Variants in PCOLCE2 observed in about 807,000 individuals in gnomAD.
The protein encoded by PCOLCE2 is procollagen C-endopeptidase enhancer 2.
In PCOLCE2, 42 loss-of-function variants were observed where a neutral mutation model predicts 47.0. That is an observed-to-expected ratio of 0.89 (90% CI 0.70 to 1.16). PCOLCE2 has a LOEUF of 1.16. PCOLCE2 is among the 50% of genes most tolerant of loss of function. The pLI, the probability that PCOLCE2 is intolerant of heterozygous loss-of-function variation, is 0.00. For missense variants in PCOLCE2, 500 were observed against 526.1 expected (o/e 0.95, Z 0.49); for synonymous variants, 169 against 191.7 (o/e 0.88, Z 0.98).
intron 5 of PCOLCE2, among the ~76,000 whole-genome samples, chr3:142,833,331 T>C (rs577159573): frequency 1.7e-4 from 26 of 152,054 alleles, no homozygotes; most frequent in Non-Finnish European, 2.9e-4. Flanking sequence ...GGGGATTACA[T>C]GCACTACCAG....
At chr3:142,861,052 T>G (rs1393103948) in intron 2 of PCOLCE2, among the ~76,000 whole-genome samples, 3 of 152,256 alleles carry the variant, frequency 2.0e-5, no homozygotes, top group Admixed American at 1.3e-4. Flanking sequence ...AAGTTTCAGA[T>G]AGTACACCTC....
At chr3:142,838,136 T>C (rs1937225263) in intron 5 of PCOLCE2, among the ~76,000 whole-genome samples, 3 of 152,156 alleles carry the variant, frequency 2.0e-5, no homozygotes, top group Non-Finnish European at 4.4e-5. Context: ...CGGCTCTGCA[T>C]CTGACCCTGG....
intron 1 of PCOLCE2, among the ~76,000 whole-genome samples, chr3:142,888,393 G>A (rs1218371026): frequency 1.3e-5 from 2 of 152,190 alleles, no homozygotes; most frequent in Non-Finnish European, 2.9e-5. Context: ...TAGGCGCCGC[G>A]CCGCTAGGGT....
intron 2 of PCOLCE2, among the ~76,000 whole-genome samples, chr3:142,874,505 C>A (rs2108209409): frequency 6.6e-6 from 1 of 152,290 alleles, no homozygotes; most frequent in South Asian, 2.1e-4. Flanking sequence ...AACCGTGAGT[C>A]AATTAAAACT....
intron 2 of PCOLCE2, among the ~76,000 whole-genome samples, chr3:142,865,289 T>C (rs1279190203): frequency 2.6e-5 from 4 of 152,178 alleles, no homozygotes; most frequent in Admixed American, 6.5e-5. Flanking sequence ...ACATCTTCTC[T>C]AGTGAAATGT....
At chr3:142,887,914 A>G in intron 1 of PCOLCE2, 137 bp from the exon 2 acceptor site, 1 of 573,360 alleles carries the variant, frequency 1.7e-6, no homozygotes, top group Non-Finnish European at 3.1e-6. Context: ...CATATAAGGG[A>G]TCTGAAAATT....
chr3:142,828,584 G>A (rs1937111508), intron 6 of PCOLCE2, among the ~76,000 whole-genome samples: 1 of 152,158 alleles, frequency 6.6e-6, no homozygotes. Context: ...CCGATGCTGT[G>A]GACGTGCTTG....
intron 2 of PCOLCE2, among the ~76,000 whole-genome samples, chr3:142,861,612 G>A (rs541030611): frequency 3.4e-4 from 52 of 152,186 alleles, no homozygotes; most frequent in Non-Finnish European, 2.4e-4. Flanking sequence ...ATCTCCCTGA[G>A]GACGATAATG....
intron 2 of PCOLCE2, chr3:142,887,351 A>G: frequency 4.7e-6 from 1 of 210,642 alleles, no homozygotes; most frequent in Non-Finnish European, 9.4e-6. Context: ...GGTCATTACA[A>G]CAGGCCTTTG....
intron 8 of PCOLCE2, among the ~76,000 whole-genome samples, chr3:142,818,894 T>C (rs1317729926): frequency 2.0e-5 from 3 of 152,254 alleles, no homozygotes; most frequent in Non-Finnish European, 2.9e-5. Context: ...TGGTTTCAAA[T>C]GCCTGCTATG....
At chr3:142,840,756 A>T (rs547083053) in intron 4 of PCOLCE2, among the ~76,000 whole-genome samples, 7 of 152,326 alleles carry the variant, frequency 4.6e-5, no homozygotes, top group African/African-American at 1.7e-4. Flanking sequence ...TTATTAAAAA[A>T]ATTGGCGAAC....
intron 2 of PCOLCE2, among the ~76,000 whole-genome samples, chr3:142,866,212 C>T (rs1256501278): frequency 6.6e-6 from 1 of 152,174 alleles, no homozygotes; most frequent in Non-Finnish European, 1.5e-5. Context: ...GCACGTCCTC[C>T]AATCTGTTGA....
At chr3:142,863,443 G>C (rs994704121) in intron 2 of PCOLCE2, among the ~76,000 whole-genome samples, 2 of 152,172 alleles carry the variant, frequency 1.3e-5, no homozygotes, top group African/African-American at 4.8e-5. Flanking sequence ...TGGTTTCAGG[G>C]GAAAAACATT....
chr3:142,825,668 T>C (rs1411868946), intron 6 of PCOLCE2, among the ~76,000 whole-genome samples: 2 of 152,220 alleles, frequency 1.3e-5, no homozygotes, highest in Non-Finnish European at 2.9e-5. Context: ...TGGTTCAATA[T>C]ATTGGCTGCT....
At chr3:142,850,010 G>A (rs574256021) in intron 2 of PCOLCE2, among the ~76,000 whole-genome samples, 1 of 152,278 alleles carries the variant, frequency 6.6e-6, no homozygotes, top group South Asian at 2.1e-4. Flanking sequence ...GTTTGGATTT[G>A]CCATCGTTGC....
At chr3:142,872,027 A>C (rs1933399621) in intron 2 of PCOLCE2, among the ~76,000 whole-genome samples, 1 of 152,098 alleles carries the variant, frequency 6.6e-6, no homozygotes, top group Non-Finnish European at 1.5e-5. Flanking sequence ...TGAATGCATC[A>C]ACAATTGTCT....
chr3:142,862,272 G>A (rs1933194564), intron 2 of PCOLCE2, among the ~76,000 whole-genome samples: 1 of 152,170 alleles, frequency 6.6e-6, no homozygotes. Flanking sequence ...GAAACCAGGT[G>A]CCTCCAGCTC....
rs752616266 is a variant in PCOLCE2, at chr3:142,823,570, G to A, written c.911C>T (p.Thr304Met). ...ACAATAATTGCCCTCCAGAGTCCCC[G>A]TCCGTCTACACTTTTGTTGACACAA... is the stretch of plus-strand genomic sequence containing the variant. Reference protein sequence around the residue: ...VALCQQKCRRTGTLEGNYCSS... With the variant: ...VALCQQKCRRMGTLEGNYCSS... The change falls in exon 7 of 9, where the codon ACG (threonine) becomes ATG (methionine). Residue 304 changes from threonine to methionine, a missense_variant. Thr to Met is a moderately conservative substitution (Grantham distance 81, BLOSUM62 -1). Transcript: ENST00000295992. 17 of 1,610,874 alleles carry A rather than the reference G, an allele frequency of 1.1e-5. No individual in the cohort carries two copies. The highest frequency in any genetic ancestry group is 3.3e-5 in the Admixed American group (2 of 59,880).
chr3:142,876,338 G>C (rs1180556189), intron 2 of PCOLCE2, among the ~76,000 whole-genome samples: 45 of 151,654 alleles, frequency 3.0e-4, no homozygotes, highest in Non-Finnish European at 5.9e-5. Flanking sequence ...AGTAATTTCA[G>C]TCCCAAAGCA....
Sources: gnomAD v4.1 joint callset for allele counts (sites outside exome capture counted in the v4.1 genomes callset) on GRCh38, gnomAD v4.1.1 for gene constraint, MANE v1.5 for transcripts, NCBI Gene and HGNC (gene_info 2026-07-23, HGNC 2026-07-21) for gene names.